ZSCAN2: variants seen among roughly 807,000 people sequenced by gnomAD.
ZSCAN2 encodes zinc finger and SCAN domain containing 2.
In ZSCAN2, 26 loss-of-function variants were observed where a neutral mutation model predicts 47.8. The ratio of observed to expected loss-of-function variants is 0.54; its 90% CI spans 0.40 to 0.75. The LOEUF is 0.75. Among genes scored for constraint, ZSCAN2 ranks in the 30% least tolerant of loss-of-function variants. The pLI is 0.00. For missense variants in ZSCAN2, 732 were observed against 785.4 expected (o/e 0.93, Z 0.81); for synonymous variants, 305 against 288.7 (o/e 1.06, Z -0.57).
At position 84,604,203 on chromosome 15, in the gene ZSCAN2, A is replaced by C; in HGVS notation, c.276A>C (p.Val92=). 6.2e-7 allele frequency: 1 copy of C among 1,613,854 alleles called. No individual in the cohort carries two copies. Among genetic ancestry groups the C allele is most frequent in the Non-Finnish European group, 8.5e-7 (1 of 1,179,936 alleles). The change falls in exon 2 of 3, where the codon GTA becomes GTC. Residue 92 remains valine, a synonymous_variant. Transcript: ENST00000546148. ...ELCRRWLRPE[V]HTKEQMLTML... is the part of the protein sequence containing the mutation. Reference sequence around the variant, plus strand: ...GCCGGCGCTGGCTGAGACCAGAGGTACACACCAAGGAGCAGATGTTAACCA... The same window carrying C: ...GCCGGCGCTGGCTGAGACCAGAGGTCCACACCAAGGAGCAGATGTTAACCA...
At chr15:84,609,923 C>T (rs938389958) in intron 2 of ZSCAN2, among the ~76,000 whole-genome samples, 1 of 152,226 alleles carries the variant, frequency 6.6e-6, no homozygotes, top group African/African-American at 2.4e-5. Flanking sequence ...CATGAGTCTT[C>T]CCCATGTTCA....
At chr15:84,602,587 CTTTTTT>C (rs981357914) in intron 1 of ZSCAN2, among the ~76,000 whole-genome samples, 1 of 115,742 alleles carries the variant, frequency 8.6e-6, no homozygotes, top group African/African-American at 3.2e-5. Context: ...CTTTTCTTTT[CTTTTTT>C]TTTTTTTTTT....
At position 84,603,804 on chromosome 15, in the gene ZSCAN2, C is replaced by CT. The variant is rs1460706797; in HGVS notation, c.-108-10dup. On this transcript the variant is annotated splice_polypyrimidine_tract_variant and intron_variant, in intron 1 of 2. Coordinates refer to ENST00000546148, the MANE Select transcript of ZSCAN2 (RefSeq NM_181877.4). Reference sequence around the variant, plus strand: ...CAGTCTACCTATGGATTATGGTTCTCTTTTTTGTTTCTCAGCGGGACTACT... The same window carrying CT: ...CAGTCTACCTATGGATTATGGTTCTCTTTTTTTGTTTCTCAGCGGGACTACT... 4 of 1,209,064 alleles carry CT rather than the reference C, an allele frequency of 3.3e-6. No individual in the cohort carries two copies. In the South Asian group the frequency reaches 4.6e-5, roughly 14 times the overall value. The allele number at this position is 1,209,064 out of a possible 1,614,324, so 74.9% of individuals were successfully genotyped here. A position where few individuals can be genotyped will look rare whatever the true frequency, so the allele number is the denominator to read the frequency against.
chr15:84,621,975 G>C lies in ZSCAN2; in HGVS notation c.1780G>C (p.Gly594Arg), dbSNP rs1269800332. The change falls in exon 3 of 3, where the codon GGC becomes CGC. Residue 594 changes from glycine to arginine, a missense_variant. This residue lies in a region of ZSCAN2 where 412 missense variants were observed against 498.0 expected (regional missense o/e 0.83). Transcript: ENST00000546148. This position sits in a 1 kb window ranked among gnomAD's most constrained non-coding sequence, Gnocchi z 5.7. ...KPYKCPECGK[G>R]FSNSSNFITH... Reference sequence around the variant, plus strand: ...CTACAAATGCCCCGAGTGTGGCAAAGGCTTCAGCAACAGCTCTAACTTTAT... The same window carrying C: ...CTACAAATGCCCCGAGTGTGGCAAACGCTTCAGCAACAGCTCTAACTTTAT... The C allele has an allele frequency of 6.8e-6, 11 of 1,613,988 alleles. No individual in the cohort carries two copies. Among genetic ancestry groups the C allele is most frequent in the African/African-American group, 1.3e-5 (1 of 74,916 alleles).
intron 2 of ZSCAN2, among the ~76,000 whole-genome samples, chr15:84,618,000 C>T (rs1895733898): frequency 6.6e-6 from 1 of 152,180 alleles, no homozygotes; most frequent in Non-Finnish European, 1.5e-5. Flanking sequence ...GAGTGGAGCC[C>T]AGGTCCTGCC....
At chr15:84,607,396 G>C (rs1259632854) in intron 2 of ZSCAN2, among the ~76,000 whole-genome samples, 1 of 151,952 alleles carries the variant, frequency 6.6e-6, no homozygotes, top group Non-Finnish European at 1.5e-5. Flanking sequence ...GTGGCTCTGT[G>C]GGACCTGGCC....
chr15:84,602,903 A>G (rs1292411998), intron 1 of ZSCAN2, among the ~76,000 whole-genome samples: 1 of 152,066 alleles, frequency 6.6e-6, no homozygotes, highest in Admixed American at 6.6e-5. Flanking sequence ...TTTCTAATAC[A>G]TGCTGCTATA....
intron 2 of ZSCAN2, among the ~76,000 whole-genome samples, chr15:84,613,056 T>C (rs774591028): frequency 5.9e-5 from 9 of 152,242 alleles, no homozygotes; most frequent in Non-Finnish European, 7.3e-5. Flanking sequence ...ATTGAATTTT[T>C]CCAGTTTTCC....
At chr15:84,616,492 G>A in intron 2 of ZSCAN2, 1 of 1,395,080 alleles carries the variant, frequency 7.2e-7, no homozygotes, top group Non-Finnish European at 9.3e-7. Flanking sequence ...CTTATTCATT[G>A]CATTTCCTTC....
In ZSCAN2 at chr15:84,621,031, A is replaced by C; in HGVS notation, c.836A>C (p.Lys279Thr). 1 of 1,614,142 alleles carries C rather than the reference A, an allele frequency of 6.2e-7. No homozygotes were observed. Among genetic ancestry groups the C allele is most frequent in the Non-Finnish European group, 8.5e-7 (1 of 1,180,014 alleles). Residue 279 changes from lysine to threonine, a missense_variant, in exon 3 of 3, where the codon AAA becomes ACA. Coordinates refer to ENST00000546148, the MANE Select transcript of ZSCAN2 (RefSeq NM_181877.4). The surrounding 1 kb of genome is among the most constrained non-coding windows in gnomAD (Gnocchi z 5.7). ...QTTHTGEKPY[K>T]CRDCGKSFSR... ...ACTCACACCGGGGAGAAGCCCTACAAATGCAGAGACTGTGGGAAGAGCTTT... is the reference window on the plus strand; with the variant it reads ...ACTCACACCGGGGAGAAGCCCTACACATGCAGAGACTGTGGGAAGAGCTTT...
chr15:84,605,842 C>A (rs1224161985), intron 2 of ZSCAN2, among the ~76,000 whole-genome samples: 1 of 152,202 alleles, frequency 6.6e-6, no homozygotes, highest in African/African-American at 2.4e-5. Context: ...TTTCCAAGCT[C>A]TTTCTGCAAG....
At chr15:84,606,545 T>C in intron 2 of ZSCAN2, 1 of 1,613,870 alleles carries the variant, frequency 6.2e-7, no homozygotes, top group Non-Finnish European at 8.5e-7. Context: ...CTGTCGTTGC[T>C]TCCCTTCCGG....
chr15:84,610,419 A>G (rs575819798), intron 2 of ZSCAN2, among the ~76,000 whole-genome samples: 3 of 152,124 alleles, frequency 2.0e-5, no homozygotes, highest in Non-Finnish European at 4.4e-5. Flanking sequence ...TGAAGTGTGA[A>G]TAAGCAATAC....
At chr15:84,619,154 G>A (rs1243599555) in intron 2 of ZSCAN2, among the ~76,000 whole-genome samples, 3 of 152,296 alleles carry the variant, frequency 2.0e-5, no homozygotes, top group Admixed American at 2.0e-4. Context: ...ATTCATGGCT[G>A]GGCGCGGTGG....
intron 1 of ZSCAN2, 120 bp from the exon 2 acceptor site, chr15:84,603,700 G>C (rs1157195361): frequency 8.4e-6 from 4 of 474,272 alleles, no homozygotes; most frequent in Non-Finnish European, 1.5e-5. Flanking sequence ...AAGAAGAACA[G>C]GAAACGTCTG....
At chr15:84,609,260 T>C (rs145515270) in intron 2 of ZSCAN2, among the ~76,000 whole-genome samples, 69 of 151,576 alleles carry the variant, frequency 4.6e-4, no homozygotes, top group Middle Eastern at 3.5e-3. Context: ...TATATATATA[T>C]ACACATATAT....
At chr15:84,603,113 G>C (rs1895260907) in intron 1 of ZSCAN2, among the ~76,000 whole-genome samples, 1 of 152,124 alleles carries the variant, frequency 6.6e-6, no homozygotes, top group African/African-American at 2.4e-5. Flanking sequence ...AGAGTGCTTT[G>C]ACATCTGATC....
intron 2 of ZSCAN2, chr15:84,616,572 C>T (rs1895698856): frequency 7.9e-7 from 1 of 1,264,040 alleles, no homozygotes; most frequent in African/African-American, 1.5e-5. Context: ...CATATTTTAT[C>T]TTCTGATCTC....
At chr15:84,617,640 T>G (rs530971719) in intron 2 of ZSCAN2, among the ~76,000 whole-genome samples, 1 of 151,124 alleles carries the variant, frequency 6.6e-6, no homozygotes, top group Admixed American at 6.6e-5. Flanking sequence ...TTTTCAACTT[T>G]AAAGGTGATC....
Sources: gnomAD v4.1 joint callset for allele counts (sites outside exome capture counted in the v4.1 genomes callset) on GRCh38, gnomAD v4.1.1 for gene constraint, gnomAD v4.1.1 regional missense constraint, Gnocchi (gnomAD v3.1) non-coding constraint, MANE v1.5 for transcripts, NCBI Gene and HGNC (gene_info 2026-07-23, HGNC 2026-07-21) for gene names.